KIAA1217: variants seen among roughly 807,000 people sequenced by gnomAD.
KIAA1217 encodes the protein sickle tail protein homolog.
KIAA1217 carries 88 observed loss-of-function variants against 163.9 expected under a neutral mutation model. That is an observed-to-expected ratio of 0.54 (90% CI 0.45 to 0.64). The LOEUF (loss-of-function observed/expected upper bound fraction) is 0.64. KIAA1217 is among the 30% of genes least tolerant of loss of function. The pLI is 0.00. For synonymous variants in KIAA1217, 903 were observed against 923.1 expected (o/e 0.98, Z 0.39); for missense variants, 2,372 against 2,475.0 (o/e 0.96, Z 0.88).
intron 6 of KIAA1217, among the ~76,000 whole-genome samples, chr10:24,493,887 T>A (rs1314749354): frequency 6.6e-6 from 1 of 152,214 alleles, no homozygotes; most frequent in African/African-American, 2.4e-5. Flanking sequence ...CTCAAACTCC[T>A]GACCTCAGGT....
intron 2 of KIAA1217, among the ~76,000 whole-genome samples, chr10:24,111,740 G>A (rs1018728301): frequency 6.6e-6 from 1 of 152,084 alleles, no homozygotes; most frequent in Non-Finnish European, 1.5e-5. Context: ...TCAGATGAAG[G>A]GGTTTGTATT....
intron 2 of KIAA1217, among the ~76,000 whole-genome samples, chr10:24,297,960 T>A (rs1233720782): frequency 6.6e-6 from 1 of 151,742 alleles, no homozygotes; most frequent in African/African-American, 2.4e-5. Context: ...AGTCTCATAC[T>A]GTGAAGAATT....
chr10:24,472,716 G>A (rs73604485), intron 5 of KIAA1217, among the ~76,000 whole-genome samples: 1,696 of 152,236 alleles, frequency 0.011, 29 homozygotes, highest in African/African-American at 0.038. Context: ...GGCTTAAAAC[G>A]TCATGATTTT....
In KIAA1217 at chr10:24,528,501, T is replaced by A. The variant is rs530906576; in HGVS notation, c.3082+382T>A. ...ACCACTGCACATGTCTAATTTTTTT[T>A]TATTTTTTTAGAGACAGGTTTCTTC... is the stretch of plus-strand genomic sequence containing the variant. On this transcript the variant is annotated intron_variant, in intron 14 of 20. Transcript: ENST00000376454. Among the ~76,000 whole-genome samples the A allele has an allele frequency of 5.3e-5, 8 of 152,050 alleles. No individual in the cohort carries two copies. The South Asian group carries it at 1.7e-3, about 32-fold the overall frequency.
At chr10:24,169,495 T>C (rs1196904087) in intron 2 of KIAA1217, among the ~76,000 whole-genome samples, 2 of 151,982 alleles carry the variant, frequency 1.3e-5, no homozygotes, top group African/African-American at 4.8e-5. Flanking sequence ...CAGAAGGCTA[T>C]CTCTGTGAGG....
intron 3 of KIAA1217, among the ~76,000 whole-genome samples, chr10:24,400,680 A>T (rs994499511): frequency 6.6e-6 from 1 of 152,112 alleles, no homozygotes; most frequent in Non-Finnish European, 1.5e-5. Flanking sequence ...GATCATTGAA[A>T]TCCCTAGTCC....
chr10:24,407,269 TG>T, intron 3 of KIAA1217, among the ~76,000 whole-genome samples: 1 of 151,972 alleles, frequency 6.6e-6, no homozygotes, highest in East Asian at 1.9e-4. Context: ...TGTGTGTGTG[TG>T]TGTGTGTGTG....
rs1216900324 is a variant in KIAA1217, at chr10:24,544,246, GA to G, written c.4982del (p.Asn1661ThrfsTer23). 6.2e-7 allele frequency: 1 copy of G among 1,614,092 alleles called. No homozygotes were observed. The highest frequency in any genetic ancestry group is 2.2e-5 in the East Asian group (1 of 44,860). ...CCGATTTCAAGAACTGATGAAATTAGAAAAAACACCTACAGAACATTGGATA... is the reference window on the plus strand; with the variant it reads ...CCGATTTCAAGAACTGATGAAATTAGAAAAACACCTACAGAACATTGGATA... ...TSPISRTDEI[R>X]KNTYRTLDSL... On this transcript the variant is annotated frameshift_variant, in exon 19 of 21. Transcript: ENST00000376454. LOFTEE classifies it high-confidence loss of function.
At chr10:24,520,627 CAAAAAAAAAAAAA>C (rs71472812) in intron 11 of KIAA1217, among the ~76,000 whole-genome samples, 975 of 44,882 alleles carry the variant, frequency 0.022, 33 homozygotes, top group African/African-American at 0.084. Flanking sequence ...ACATCTCTAC[CAAAAAAAAAAAAA>C]AAAAAAAAAA....
chr10:23,917,439 C>T (rs1160071340), intron 1 of KIAA1217, among the ~76,000 whole-genome samples: 1 of 152,116 alleles, frequency 6.6e-6, no homozygotes. Flanking sequence ...GGCAGCAAGC[C>T]TAGGGCCTTG....
chr10:23,916,510 G>A (rs569652732), intron 1 of KIAA1217, among the ~76,000 whole-genome samples: 28 of 139,904 alleles, frequency 2.0e-4, no homozygotes, highest in Admixed American at 1.4e-3. Flanking sequence ...AATTGCAGTC[G>A]CTTGCTTGTT....
chr10:24,499,928 A>C (rs1377052966), intron 8 of KIAA1217, among the ~76,000 whole-genome samples: 1 of 152,172 alleles, frequency 6.6e-6, no homozygotes, highest in East Asian at 1.9e-4. Flanking sequence ...CAGCATCAGC[A>C]TCGCCAAGGC....
rs2297328 is a variant in KIAA1217 at position 24,524,398 on chromosome 10, A to G, written c.2532A>G (p.Thr844=). 99,051 of 1,614,102 alleles carry G rather than the reference A, an allele frequency of 0.061. 5,210 individuals are homozygous for G. The highest frequency in any genetic ancestry group is 0.27 in the African/African-American group (20,237 of 74,996). ...AGTACATGGCTATGGAAAAGGCCACAGCCGCAGAAGTCCTGAAGAGTCAGG... is the reference window on the plus strand; with the variant it reads ...AGTACATGGCTATGGAAAAGGCCACGGCCGCAGAAGTCCTGAAGAGTCAGG... ...AAQYMAMEKA[T]AAEVLKSQEE... is the part of the protein sequence containing the mutation. Residue 844 remains threonine, a synonymous_variant, in exon 13 of 21, where the codon ACA becomes ACG. Coordinates refer to ENST00000376454, the MANE Select transcript of KIAA1217 (RefSeq NM_019590.5).
At chr10:23,988,643 T>A (rs1846084539) in intron 1 of KIAA1217, among the ~76,000 whole-genome samples, 1 of 152,210 alleles carries the variant, frequency 6.6e-6, no homozygotes, top group African/African-American at 2.4e-5. Flanking sequence ...AATATAGGCC[T>A]CATTGTTAGG....
intron 2 of KIAA1217, among the ~76,000 whole-genome samples, chr10:24,102,650 G>A (rs968682832): frequency 6.6e-6 from 1 of 152,186 alleles, no homozygotes; most frequent in Non-Finnish European, 1.5e-5. Context: ...TTACTTTAAA[G>A]CAACAGTAAT....
intron 2 of KIAA1217, among the ~76,000 whole-genome samples, chr10:24,025,714 C>T (rs1847913722): frequency 6.6e-6 from 1 of 151,752 alleles, no homozygotes; most frequent in African/African-American, 2.4e-5. Flanking sequence ...TTCTAGTGTA[C>T]AACTCTTGCA....
intron 1 of KIAA1217, among the ~76,000 whole-genome samples, chr10:23,987,774 T>A (rs1846047646): frequency 6.6e-6 from 1 of 152,210 alleles, no homozygotes; most frequent in African/African-American, 2.4e-5. Flanking sequence ...CTGTATCCTT[T>A]GACCAACATC....
chr10:24,521,204 C>G (rs1475708790), intron 11 of KIAA1217, among the ~76,000 whole-genome samples: 2 of 151,634 alleles, frequency 1.3e-5, no homozygotes, highest in African/African-American at 4.8e-5. Context: ...CATGGTGGCA[C>G]AAACCTGTAG....
intron 5 of KIAA1217, among the ~76,000 whole-genome samples, chr10:24,471,847 A>G (rs897841794): frequency 8.8e-5 from 13 of 147,442 alleles, no homozygotes; most frequent in Admixed American, 4.9e-4. Flanking sequence ...AGATTGCGCC[A>G]CTGCACTCCA....
Sources: allele counts gnomAD v4.1 joint callset (sites outside exome capture counted in the v4.1 genomes callset), GRCh38; gene constraint gnomAD v4.1.1; transcripts MANE v1.5; gene names NCBI Gene and HGNC (gene_info 2026-07-23, HGNC 2026-07-21).